Variants in CAMTA1 observed in about 807,000 individuals in gnomAD.
The protein encoded by CAMTA1 is calmodulin-binding transcription activator 1.
A neutral mutation model predicts 170.9 loss-of-function variants in CAMTA1; 27 were observed. The observed-to-expected ratio is 0.16, with a 90% CI of 0.12 to 0.22. The LOEUF is 0.22. Ranked by LOEUF, CAMTA1 falls within the 10% of genes least tolerant of loss-of-function variation. CAMTA1 has a pLI of 1.00. For missense variants in CAMTA1, 1,619 were observed against 2,217.2 expected (o/e 0.73, Z 5.42); for synonymous variants, 833 against 891.5 (o/e 0.93, Z 1.17).
chr1:7,006,071 C>G (rs1042060517), intron 3 of CAMTA1, among the ~76,000 whole-genome samples: 1 of 152,142 alleles, frequency 6.6e-6, no homozygotes, highest in Non-Finnish European at 1.5e-5. Context: ...AGGGTGGGGT[C>G]TGTGCCAGTC....
At chr1:7,668,349 C>A (rs1488439110) in intron 9 of CAMTA1, among the ~76,000 whole-genome samples, 1 of 151,682 alleles carries the variant, frequency 6.6e-6, no homozygotes, top group African/African-American at 2.4e-5. Context: ...TTTCTCCTAT[C>A]TCTGTCCACC....
intron 6 of CAMTA1, among the ~76,000 whole-genome samples, chr1:7,523,730 A>AT (rs1368400468): frequency 6.6e-6 from 1 of 151,168 alleles, no homozygotes; most frequent in Admixed American, 6.6e-5. Flanking sequence ...TACAAAAAAA[A>AT]AAATTAGCCG....
chr1:7,488,119 T>TA (rs1287008973), intron 6 of CAMTA1, among the ~76,000 whole-genome samples: 1 of 152,200 alleles, frequency 6.6e-6, no homozygotes, highest in African/African-American at 2.4e-5. Flanking sequence ...AGAATCTCTC[T>TA]AAAATCTCTC....
chr1:7,663,922 A>G lies in CAMTA1; in HGVS notation c.1375A>G (p.Asn459Asp), dbSNP rs2095981813. The change falls in exon 9 of 23, where the codon AAC (asparagine) becomes GAC (aspartate). Residue 459 changes from asparagine (N) to aspartate (D), a missense_variant. Around this residue, in one of 8 missense-constraint regions of CAMTA1, gnomAD observed 731 missense variants for 907.6 expected, o/e 0.81. Transcript: ENST00000303635. The stretch of plus-strand genomic sequence containing the variant: ...GGAGAGCCTGTCCATGCTGCCCACC[A>G]ACGTGTCCGAAGAGCTGGTCCTCTC... ...SSESLSMLPT[N>D]VSEELVLSTT... The G allele has an allele frequency of 6.2e-7, 1 of 1,613,822 alleles. No individual in the cohort carries two copies. The highest frequency in any genetic ancestry group is 8.5e-7 in the Non-Finnish European group (1 of 1,180,010).
intron 6 of CAMTA1, among the ~76,000 whole-genome samples, chr1:7,564,907 G>A (rs572463522): frequency 7.1e-4 from 108 of 152,124 alleles, no homozygotes; most frequent in Non-Finnish European, 1.2e-3. Flanking sequence ...AATAGTCAAG[G>A]AGAAGGAGGG....
intron 3 of CAMTA1, among the ~76,000 whole-genome samples, chr1:6,836,080 C>CAGCTACCT (rs1298709968): frequency 6.6e-6 from 1 of 152,130 alleles, no homozygotes; most frequent in East Asian, 1.9e-4. Flanking sequence ...CCTGCCTATC[C>CAGCTACCT]AGCTACCTGC....
rs955315357 is a variant in CAMTA1 at position 7,224,771 on chromosome 1, C to T, written c.303-24720C>T. 1.3e-5 allele frequency among the ~76,000 whole-genome samples: 2 copies of T among 152,088 alleles called. No homozygotes were observed. The highest frequency in any genetic ancestry group is 4.1e-4 in the South Asian group (2 of 4,832). On this transcript the variant is annotated intron_variant, in intron 4 of 22. Coordinates refer to ENST00000303635, the MANE Select transcript of CAMTA1 (RefSeq NM_015215.4). The surrounding 1 kb of genome is among the most constrained non-coding windows in gnomAD (Gnocchi z 5.2). ...AGTGTTTGGTGGATATGCCTCCCTG[C>T]CCCGCTCCCCAGGGCCCTGCTCCGT...
chr1:6,889,303 G>T (rs1473811739), intron 3 of CAMTA1, among the ~76,000 whole-genome samples: 1 of 152,132 alleles, frequency 6.6e-6, no homozygotes, highest in Non-Finnish European at 1.5e-5. Context: ...CTGAGGTGAA[G>T]AAATAAATGT....
chr1:6,935,117 T>C (rs965739000), intron 3 of CAMTA1, among the ~76,000 whole-genome samples: 1 of 152,212 alleles, frequency 6.6e-6, no homozygotes, highest in African/African-American at 2.4e-5. Flanking sequence ...AAGTTTTTAT[T>C]CTAGAATTTG....
chr1:6,916,112 G>T (rs777355646), intron 3 of CAMTA1, among the ~76,000 whole-genome samples: 2 of 152,170 alleles, frequency 1.3e-5, no homozygotes, highest in African/African-American at 2.4e-5. Flanking sequence ...GGGACGAGAA[G>T]GGAGCCAGGG....
chr1:7,377,161 A>G (rs1162208510), intron 5 of CAMTA1, among the ~76,000 whole-genome samples: 2 of 152,214 alleles, frequency 1.3e-5, no homozygotes, highest in Non-Finnish European at 2.9e-5. Flanking sequence ...TCTCTACCCC[A>G]GGAGAGACCT....
intron 6 of CAMTA1, among the ~76,000 whole-genome samples, chr1:7,553,314 G>T (rs1159443553): frequency 6.6e-6 from 1 of 152,236 alleles, no homozygotes; most frequent in Non-Finnish European, 1.5e-5. Context: ...TGAATTCAGG[G>T]CTCAGCTATG....
At chr1:6,877,929 A>G (rs1324081930) in intron 3 of CAMTA1, among the ~76,000 whole-genome samples, 2 of 152,230 alleles carry the variant, frequency 1.3e-5, no homozygotes, top group Non-Finnish European at 1.5e-5. Flanking sequence ...ATCTGACCAT[A>G]CATAGGTCCT....
intron 7 of CAMTA1, among the ~76,000 whole-genome samples, chr1:7,657,384 G>C (rs1181023369): frequency 6.6e-6 from 1 of 152,164 alleles, no homozygotes; most frequent in Non-Finnish European, 1.5e-5. Context: ...GTACCGCCCG[G>C]TGAGGTACAG....
rs1240072765 is a variant in CAMTA1, at chr1:7,310,662, T to C, written c.438+61036T>C. 6.6e-5 allele frequency among the ~76,000 whole-genome samples: 4 copies of C among 60,582 alleles called. 1 individual carries two copies. Among genetic ancestry groups the C allele is most frequent in the South Asian group, 1.1e-3 (2 of 1,852 alleles). 39.7% of individuals were successfully genotyped at this position (60,582 alleles called of 152,430 possible). The stretch of plus-strand genomic sequence containing the variant: ...TTTCTTTCTTTTTTCTTTCTTTCTT[T>C]CTTTCTTTCCTTTCTTTCTCTCTCT... On this transcript the variant is annotated intron_variant, in intron 5 of 22. Coordinates refer to ENST00000303635, the MANE Select transcript of CAMTA1 (RefSeq NM_015215.4).
At chr1:7,369,747 A>C (rs1215401358) in intron 5 of CAMTA1, among the ~76,000 whole-genome samples, 1 of 152,036 alleles carries the variant, frequency 6.6e-6, no homozygotes, top group Non-Finnish European at 1.5e-5. Flanking sequence ...TGCCTAGGAC[A>C]AGCTGAGGTC....
At chr1:7,059,923 G>GATT (rs1335030799) in intron 3 of CAMTA1, among the ~76,000 whole-genome samples, 1 of 152,094 alleles carries the variant, frequency 6.6e-6, no homozygotes, top group Non-Finnish European at 1.5e-5. Context: ...AGCAATCTAA[G>GATT]GCTCAGACCA....
At chr1:7,608,989 G>A (rs1366924612) in intron 6 of CAMTA1, among the ~76,000 whole-genome samples, 1 of 152,142 alleles carries the variant, frequency 6.6e-6, no homozygotes, top group Non-Finnish European at 1.5e-5. Context: ...GAGGGCAGGA[G>A]CTGTCTGGCT....
At chr1:6,964,992 C>G (rs76128462) in intron 3 of CAMTA1, among the ~76,000 whole-genome samples, 1,817 of 152,094 alleles carry the variant, frequency 0.012, 23 homozygotes, top group South Asian at 0.035. Flanking sequence ...CTCCAAGGGT[C>G]GCAGAGCAGC....
Sources: allele counts gnomAD v4.1 joint callset (sites outside exome capture counted in the v4.1 genomes callset), GRCh38; gene constraint gnomAD v4.1.1; regional missense constraint gnomAD v4.1.1; non-coding constraint Gnocchi (gnomAD v3.1); transcripts MANE v1.5; gene names NCBI Gene and HGNC (gene_info 2026-07-23, HGNC 2026-07-21).